Variants in STAC observed in about 807,000 individuals in gnomAD.
STAC encodes SH3 and cysteine-rich domain-containing protein.
Under a neutral mutation model 48.8 loss-of-function variants are expected in STAC, and 43 were observed. That is an observed-to-expected ratio of 0.88 (90% CI 0.69 to 1.14). STAC has a LOEUF of 1.14. Ranked by LOEUF, STAC falls within the 50% of genes most tolerant of loss-of-function variation. STAC has a pLI of 0.00. For synonymous variants in STAC, 193 were observed against 179.5 expected (o/e 1.07, Z -0.60); for missense variants, 497 against 504.0 (o/e 0.99, Z 0.13).
At chr3:36,460,941 T>C (rs1015370840) in intron 2 of STAC, among the ~76,000 whole-genome samples, 1 of 152,186 alleles carries the variant, frequency 6.6e-6, no homozygotes, top group Non-Finnish European at 1.5e-5. Flanking sequence ...TTCAAAAATA[T>C]GTAGTGTTTT....
intron 1 of STAC, among the ~76,000 whole-genome samples, chr3:36,388,792 T>C (rs1484483326): frequency 6.6e-6 from 1 of 152,130 alleles, no homozygotes; most frequent in Non-Finnish European, 1.5e-5. Context: ...TGTATTAGAT[T>C]CTCTTTTAGA....
intron 8 of STAC, among the ~76,000 whole-genome samples, chr3:36,527,718 G>GA (rs34641082): frequency 6.6e-6 from 1 of 152,132 alleles, no homozygotes; most frequent in Non-Finnish European, 1.5e-5. Context: ...TTCCCAGTGT[G>GA]AAAAATAACA....
At chr3:36,534,881 G>A (rs1699162962) in intron 10 of STAC, among the ~76,000 whole-genome samples, 1 of 152,042 alleles carries the variant, frequency 6.6e-6, no homozygotes, top group Admixed American at 6.6e-5. Context: ...GCTCAGGCTG[G>A]TCTCGAAGTC....
chr3:36,413,615 T>C (rs1700246915), intron 1 of STAC, among the ~76,000 whole-genome samples: 1 of 152,214 alleles, frequency 6.6e-6, no homozygotes, highest in Non-Finnish European at 1.5e-5. Context: ...TGATGGGTCT[T>C]GACTCTTTAT....
At chr3:36,390,451 CTT>C (rs59589769) in intron 1 of STAC, among the ~76,000 whole-genome samples, 192 of 80,838 alleles carry the variant, frequency 2.4e-3, no homozygotes, top group Middle Eastern at 0.015. Context: ...TTTTTCTTTT[CTT>C]TTTTTTTTTT....
Position 36,537,271 on chromosome 3 carries a change from T to C in STAC, c.1110+8286T>C, listed in dbSNP as rs180973263. Among the ~76,000 whole-genome samples, 306 of 152,254 alleles carry C rather than the reference T, an allele frequency of 2.0e-3. 3 individuals are homozygous for C. The highest frequency in any genetic ancestry group is 7.1e-3 in the African/African-American group (295 of 41,548). ...ATGTTCATTGCAGCACTATTCCCAATAGCAAAGACATGGAATCAACCCAAA... is the reference window on the plus strand; with the variant it reads ...ATGTTCATTGCAGCACTATTCCCAACAGCAAAGACATGGAATCAACCCAAA... On this transcript the variant is annotated intron_variant, in intron 10 of 10. Coordinates refer to ENST00000273183, the MANE Select transcript of STAC (RefSeq NM_003149.3).
Position 36,390,547 on chromosome 3 carries a change from C to A in STAC, c.111+9793C>A, listed in dbSNP as rs775598297. 7.9e-5 allele frequency among the ~76,000 whole-genome samples: 11 copies of A among 138,708 alleles called. No individual in the cohort carries two copies. The South Asian group carries it at 9.5e-4, about 12-fold the overall frequency. The allele number at this position is 138,708 out of a possible 152,430, so 91.0% of individuals were successfully genotyped here. A position where few individuals can be genotyped will look rare whatever the true frequency, so the allele number is the denominator to read the frequency against. ...TTAAACTCTTATTACAGTCCTGGAA[C>A]AAGTCCTGCTTGGCCATGGGGATTT... is the stretch of plus-strand genomic sequence containing the variant. On this transcript the variant is annotated intron_variant, in intron 1 of 10. Transcript: ENST00000273183.
At chr3:36,534,403 T>C (rs1276950771) in intron 10 of STAC, among the ~76,000 whole-genome samples, 2 of 152,110 alleles carry the variant, frequency 1.3e-5, no homozygotes, top group Non-Finnish European at 2.9e-5. Flanking sequence ...CCACCTAAAC[T>C]TACCCAGTAA....
At position 36,381,007 on chromosome 3, in the gene STAC, T is replaced by C. The variant is rs566604227; in HGVS notation, c.111+253T>C. On this transcript the variant is annotated intron_variant, in intron 1 of 10. Coordinates refer to ENST00000273183, the MANE Select transcript of STAC (RefSeq NM_003149.3). ...GCTCCGGGTTCAGAGATCGATTTCT[T>C]GCGGGGTGGTAGCTTGGTTTTTTTT... Among the ~76,000 whole-genome samples the C allele has an allele frequency of 1.4e-4, 21 of 149,614 alleles. No homozygotes were observed. In the East Asian group the frequency reaches 4.2e-3, roughly 30 times the overall value.
intron 6 of STAC, among the ~76,000 whole-genome samples, chr3:36,498,903 G>A (rs1345646634): frequency 6.6e-6 from 1 of 152,080 alleles, no homozygotes; most frequent in Non-Finnish European, 1.5e-5. Flanking sequence ...GAATTTCAAA[G>A]ATAAAAGAAA....
chr3:36,474,816 T>C (rs534541451), intron 2 of STAC, among the ~76,000 whole-genome samples: 1 of 152,348 alleles, frequency 6.6e-6, no homozygotes, highest in African/African-American at 2.4e-5. Context: ...AAAGGTAATG[T>C]TCTTTTATTA....
chr3:36,543,863 G>T (rs1468499369), intron 10 of STAC, among the ~76,000 whole-genome samples: 1 of 152,090 alleles, frequency 6.6e-6, no homozygotes, highest in Non-Finnish European at 1.5e-5. Context: ...CCACAATACA[G>T]CATTCTTGTG....
intron 1 of STAC, among the ~76,000 whole-genome samples, chr3:36,440,218 TC>T (rs1420919349): frequency 6.6e-6 from 1 of 152,160 alleles, no homozygotes; most frequent in African/African-American, 2.4e-5. Flanking sequence ...ATAAGTACAA[TC>T]CCACCACATG....
intron 1 of STAC, among the ~76,000 whole-genome samples, chr3:36,421,903 G>A (rs1700459862): frequency 6.6e-6 from 1 of 151,564 alleles, no homozygotes; most frequent in African/African-American, 2.4e-5. Context: ...ATCTAGTTTG[G>A]TCATCTCAGC....
Position 36,398,363 on chromosome 3 carries a change from G to GA in STAC, c.111+17612dup, listed in dbSNP as rs200765760. ...AGAAAGAAAGAAAGAAAGAAAGAAAGAAAGAAAAGAAAGAGAGAAAGAAAG... is the reference window on the plus strand; with the variant it reads ...AGAAAGAAAGAAAGAAAGAAAGAAAGAAAAGAAAAGAAAGAGAGAAAGAAAG... On this transcript the variant is annotated intron_variant, in intron 1 of 10. Transcript: ENST00000273183. 1.8e-3 allele frequency among the ~76,000 whole-genome samples: 222 copies of GA among 124,942 alleles called. 5 individuals are homozygous for GA. The highest frequency in any genetic ancestry group is 4.2e-3 in the Middle Eastern group (1 of 240). The allele number at this position is 124,942 out of a possible 152,430, so 82.0% of individuals were successfully genotyped here.
chr3:36,462,011 G>T (rs567130378), intron 2 of STAC, among the ~76,000 whole-genome samples: 6 of 152,120 alleles, frequency 3.9e-5, no homozygotes, highest in African/African-American at 1.4e-4. Context: ...GAGGATTGAC[G>T]CAAGCAGAAC....
At chr3:36,503,411 T>A (rs1698324097) in intron 6 of STAC, among the ~76,000 whole-genome samples, 1 of 152,038 alleles carries the variant, frequency 6.6e-6, no homozygotes, top group Non-Finnish European at 1.5e-5. Context: ...CTCATTTTGT[T>A]TATTGTTTTT....
At chr3:36,436,029 T>G (rs1700824545) in intron 1 of STAC, among the ~76,000 whole-genome samples, 1 of 152,218 alleles carries the variant, frequency 6.6e-6, no homozygotes, top group South Asian at 2.1e-4. Flanking sequence ...TGATTTCATC[T>G]AGTCTCATGG....
At chr3:36,488,961 C>T (rs1202954907) in intron 5 of STAC, among the ~76,000 whole-genome samples, 1 of 152,100 alleles carries the variant, frequency 6.6e-6, no homozygotes, top group Non-Finnish European at 1.5e-5. Context: ...AACCCACTTT[C>T]CCCTGAACTC....
Sources: gnomAD v4.1 joint callset for allele counts (sites outside exome capture counted in the v4.1 genomes callset) on GRCh38, gnomAD v4.1.1 for gene constraint, MANE v1.5 for transcripts, NCBI Gene and HGNC (gene_info 2026-07-23, HGNC 2026-07-21) for gene names.